Variants in FRMD3 observed in about 807,000 individuals in gnomAD.
The protein encoded by FRMD3 is FERM domain containing 3.
Under a neutral mutation model 70.2 loss-of-function variants are expected in FRMD3, and 33 were observed. The observed-to-expected ratio is 0.47, with a 90% CI of 0.36 to 0.63. The LOEUF (loss-of-function observed/expected upper bound fraction) is 0.63, where lower values mean the gene tolerates loss of function less well. FRMD3 is among the 20% of genes least tolerant of loss of function. The pLI is 0.00. For synonymous variants in FRMD3, 279 were observed against 255.9 expected (o/e 1.09, Z -0.86); for missense variants, 632 against 711.4 (o/e 0.89, Z 1.27).
intron 13 of FRMD3, among the ~76,000 whole-genome samples, chr9:83,286,869 T>C (rs1051428331): frequency 2.6e-5 from 4 of 152,200 alleles, no homozygotes; most frequent in Non-Finnish European, 4.4e-5. Flanking sequence ...AACGAAATCA[T>C]GCTGGCCATG....
chr9:83,437,398 C>T (rs536438669), intron 1 of FRMD3, among the ~76,000 whole-genome samples: 5 of 152,188 alleles, frequency 3.3e-5, no homozygotes, highest in Non-Finnish European at 7.3e-5. Flanking sequence ...CCTGCTAGTT[C>T]CCTCATTGAT....
chr9:83,567,550 C>G, the FRMD3 span, among the ~76,000 whole-genome samples: 1 of 152,146 alleles, frequency 6.6e-6, no homozygotes, highest in Non-Finnish European at 1.5e-5. Flanking sequence ...CTTTTATGCT[C>G]TGTTTCTCTT....
chr9:83,434,819 C>CCCTT (rs1827086409), intron 1 of FRMD3, among the ~76,000 whole-genome samples: 3 of 74,880 alleles, frequency 4.0e-5, no homozygotes, highest in African/African-American at 5.8e-5. Flanking sequence ...CACCCCTCTG[C>CCCTT]TTTTTTTTTT....
intron 1 of FRMD3, among the ~76,000 whole-genome samples, chr9:83,481,304 A>C (rs1031654810): frequency 3.3e-5 from 5 of 152,248 alleles, no homozygotes; most frequent in African/African-American, 1.2e-4. Flanking sequence ...ACTAAGGATT[A>C]TGATTAATCC....
intron 3 of FRMD3, among the ~76,000 whole-genome samples, chr9:83,351,685 C>CACG (rs1564029650): frequency 1.2e-5 from 1 of 81,162 alleles, no homozygotes; most frequent in Non-Finnish European, 2.5e-5. Flanking sequence ...TTGATAGTTA[C>CACG]ATGATAGATA....
chr9:83,505,002 G>A (rs113404593), intron 1 of FRMD3, among the ~76,000 whole-genome samples: 8 of 152,104 alleles, frequency 5.3e-5, no homozygotes, highest in Non-Finnish European at 8.8e-5. Flanking sequence ...AAAATAGTGA[G>A]GTATCAGAGT....
intron 3 of FRMD3, among the ~76,000 whole-genome samples, chr9:83,355,992 C>G (rs1824323496): frequency 6.6e-6 from 1 of 152,094 alleles, no homozygotes; most frequent in South Asian, 2.1e-4. Context: ...GCTCAGTGGC[C>G]CCTTTTGTGT....
At chr9:83,416,751 C>CTCTG (rs1826458359) in intron 1 of FRMD3, among the ~76,000 whole-genome samples, 8 of 102,142 alleles carry the variant, frequency 7.8e-5, no homozygotes, top group African/African-American at 3.5e-4. Flanking sequence ...CTCTGTCTCT[C>CTCTG]TCTCTCTCTC....
intron 10 of FRMD3, among the ~76,000 whole-genome samples, chr9:83,302,025 T>G (rs2131020330): frequency 6.6e-6 from 1 of 152,274 alleles, no homozygotes; most frequent in Non-Finnish European, 1.5e-5. Flanking sequence ...CAGCTGAGAT[T>G]TTTAATGAAA....
chr9:83,556,270 T>C, the FRMD3 span, among the ~76,000 whole-genome samples: 5 of 152,356 alleles, frequency 3.3e-5, no homozygotes, highest in East Asian at 9.6e-4. Flanking sequence ...ATGATTTACA[T>C]GGCCACCTTC....
upstream of FRMD3, among the ~76,000 whole-genome samples, chr9:83,539,992 G>A (rs1296354838): frequency 6.6e-6 from 1 of 152,116 alleles, no homozygotes; most frequent in African/African-American, 2.4e-5. Flanking sequence ...TTCATTCTTG[G>A]CCCAGCTACT....
chr9:83,566,051 G>A, the FRMD3 span, among the ~76,000 whole-genome samples: 100 of 152,298 alleles, frequency 6.6e-4, no homozygotes, highest in African/African-American at 1.8e-3. Context: ...ATTATTATGC[G>A]GAGTGTATTA....
At chr9:83,310,824 A>G (rs1835324057) in intron 8 of FRMD3, among the ~76,000 whole-genome samples, 1 of 152,246 alleles carries the variant, frequency 6.6e-6, no homozygotes, top group African/African-American at 2.4e-5. Flanking sequence ...GTTCGTGAAC[A>G]TTAATGATCA....
intron 1 of FRMD3, among the ~76,000 whole-genome samples, chr9:83,405,782 G>T (rs572323706): frequency 1.3e-5 from 2 of 151,500 alleles, no homozygotes; most frequent in African/African-American, 4.8e-5. Flanking sequence ...AAGAAAGAAA[G>T]TGTCCATCAT....
chr9:83,280,699 T>A (rs1193076576), intron 13 of FRMD3, among the ~76,000 whole-genome samples: 2 of 152,218 alleles, frequency 1.3e-5, no homozygotes, highest in Non-Finnish European at 2.9e-5. Context: ...TGCATATTTA[T>A]TTATAAATTA....
chr9:83,462,154 G>T (rs1827994842), intron 1 of FRMD3, among the ~76,000 whole-genome samples: 1 of 152,166 alleles, frequency 6.6e-6, no homozygotes, highest in South Asian at 2.1e-4. Context: ...TGAACCATAA[G>T]CCTATCCATG....
chr9:83,485,123 C>A (rs548923204), intron 1 of FRMD3, among the ~76,000 whole-genome samples: 1 of 152,330 alleles, frequency 6.6e-6, no homozygotes, highest in Admixed American at 6.5e-5. Context: ...GAACCCAAAT[C>A]AAAATTCCAC....
intron 10 of FRMD3, among the ~76,000 whole-genome samples, chr9:83,305,053 T>C (rs1835074497): frequency 1.3e-5 from 2 of 152,112 alleles, no homozygotes; most frequent in Admixed American, 1.3e-4. Flanking sequence ...GCCCCGGGCC[T>C]CCCCGCTCCC....
At chr9:83,441,697 G>C (rs1015974391) in intron 1 of FRMD3, among the ~76,000 whole-genome samples, 2 of 152,098 alleles carry the variant, frequency 1.3e-5, no homozygotes, top group Non-Finnish European at 1.5e-5. Flanking sequence ...GCACCCCCAA[G>C]CATGAAATTC....
Sources: gnomAD v4.1 joint callset for allele counts (sites outside exome capture counted in the v4.1 genomes callset) on GRCh38, gnomAD v4.1.1 for gene constraint, MANE v1.5 for transcripts, NCBI Gene and HGNC (gene_info 2026-07-23, HGNC 2026-07-21) for gene names.